Variants in TMED8 observed in about 807,000 individuals in gnomAD.
The protein encoded by TMED8 is transmembrane p24 trafficking protein family member 8, also known as protein TMED8.
In TMED8, 15 loss-of-function variants were observed where a neutral mutation model predicts 32.7. The observed-to-expected ratio is 0.46, with a 90% CI of 0.31 to 0.71. The LOEUF is 0.71. Ranked by LOEUF, TMED8 falls within the 30% of genes least tolerant of loss-of-function variation. The pLI, the probability that TMED8 is intolerant of heterozygous loss-of-function variation, is 0.06. For synonymous variants in TMED8, 147 were observed against 161.4 expected, an observed-to-expected ratio of 0.91 and a Z score of 0.68; for missense variants, 390 against 423.9, an observed-to-expected ratio of 0.92 and a Z score of 0.70.
rs776626456 is a variant in TMED8, at chr14:77,343,440, G to C, written c.498C>G (p.Ala166=). 1 of 1,613,698 alleles carries C rather than the reference G, an allele frequency of 6.2e-7. No individual in the cohort carries two copies. The highest frequency in any genetic ancestry group is 8.5e-7 in the Non-Finnish European group (1 of 1,179,766). Residue 166 remains alanine (A), a synonymous_variant, in exon 5 of 6, where the codon GCC becomes GCG. Coordinates refer to ENST00000216468, the MANE Select transcript of TMED8 (RefSeq NM_213601.3). ...LMAPPCIWTF[A]KVKEFKSKLG... ...GCTTGCTTTTGAATTCCTTCACCTT[G>C]GCAAAGGTCCAGATGCATGGAGGAG...
chr14:77,374,869 C>G (rs893653597), intron 1 of TMED8, among the ~76,000 whole-genome samples: 2 of 152,160 alleles, frequency 1.3e-5, no homozygotes, highest in Non-Finnish European at 2.9e-5. Context: ...CTGAAAACAC[C>G]TTGAGGACAG....
At chr14:77,368,008 C>T (rs573874447) in intron 1 of TMED8, among the ~76,000 whole-genome samples, 49 of 152,206 alleles carry the variant, frequency 3.2e-4, no homozygotes, top group African/African-American at 1.2e-3. Context: ...TGTTCACTGT[C>T]ATTGCTGTAC....
intron 1 of TMED8, among the ~76,000 whole-genome samples, chr14:77,367,253 A>AC (rs1340483677): frequency 0.016 from 2,387 of 151,210 alleles, 54 homozygotes; most frequent in Middle Eastern, 0.063. Flanking sequence ...AAAAAAAAAA[A>AC]AAAAAAAAAA....
chr14:77,362,761 T>C (rs1370111166), intron 1 of TMED8, among the ~76,000 whole-genome samples: 2 of 152,028 alleles, frequency 1.3e-5, no homozygotes, highest in South Asian at 2.1e-4. Flanking sequence ...TAAGAACACA[T>C]ACAGGCTGAA....
At chr14:77,343,872 A>G in intron 3 of TMED8, 49 bp from the exon 4 acceptor site, 1 of 1,582,274 alleles carries the variant, frequency 6.3e-7, no homozygotes, top group Non-Finnish European at 8.6e-7. Context: ...GCAGATTCTA[A>G]TTAATCTCTT....
At chr14:77,347,392 T>C (rs1893074714) in intron 2 of TMED8, among the ~76,000 whole-genome samples, 1 of 152,218 alleles carries the variant, frequency 6.6e-6, no homozygotes, top group African/African-American at 2.4e-5. Flanking sequence ...TCACTTTCTC[T>C]CCTTTTTAAA....
At chr14:77,343,584 TGGC>T (rs1892960022) in intron 4 of TMED8, 101 bp from the exon 5 acceptor site, 3 of 1,576,816 alleles carry the variant, frequency 1.9e-6, no homozygotes, top group Middle Eastern at 1.7e-4. Context: ...TTCTTTCTAC[TGGC>T]TTGACTTCCT....
chr14:77,367,157 G>T (rs1488562379), intron 1 of TMED8, among the ~76,000 whole-genome samples: 1 of 143,956 alleles, frequency 6.9e-6, no homozygotes, highest in Non-Finnish European at 1.5e-5. Context: ...CAGGAGAATC[G>T]CTTGAACCTG....
intron 1 of TMED8, among the ~76,000 whole-genome samples, chr14:77,354,555 G>C (rs531247942): frequency 1.4e-4 from 22 of 152,062 alleles, no homozygotes; most frequent in African/African-American, 4.1e-4. Flanking sequence ...ATAATCCATT[G>C]TTCACTGTAA....
At chr14:77,372,934 ATATATATATATATATATATTTTTTTT>A (rs1893716087) in intron 1 of TMED8, among the ~76,000 whole-genome samples, 1 of 30,440 alleles carries the variant, frequency 3.3e-5, no homozygotes, top group Admixed American at 3.5e-4. Context: ...ATATATATAT[ATATATATATATATATATATTTTTTTT>A]TTTTTTTTTT....
intron 1 of TMED8, among the ~76,000 whole-genome samples, chr14:77,364,532 A>G (rs1356368007): frequency 6.6e-6 from 1 of 151,364 alleles, no homozygotes; most frequent in Non-Finnish European, 1.5e-5. Context: ...GGCATGAGCC[A>G]TGATATTTTT....
Position 77,376,871 on chromosome 14 carries a change from C to T in TMED8, c.118+65G>A, listed in dbSNP as rs896266256. The stretch of plus-strand genomic sequence containing the variant: ...CCCAGGACAGAGCGCGGCGGAGGCT[C>T]GCGCCGTGGTGCGGGGCCCTGAGGC... On this transcript the variant is annotated intron_variant, in intron 1 of 5. Coordinates refer to ENST00000216468, the MANE Select transcript of TMED8 (RefSeq NM_213601.3). This position sits in a 1 kb window ranked among gnomAD's most constrained non-coding sequence, Gnocchi z 4.0. 1 of 1,064,574 alleles carries T rather than the reference C, an allele frequency of 9.4e-7. No individual in the cohort carries two copies. The highest frequency in any genetic ancestry group is 1.2e-6 in the Non-Finnish European group (1 of 803,346). 65.9% of individuals were successfully genotyped at this position (1,064,574 alleles called of 1,614,324 possible).
intron 2 of TMED8, among the ~76,000 whole-genome samples, chr14:77,349,428 T>C (rs1594843509): frequency 6.6e-6 from 1 of 152,052 alleles, no homozygotes; most frequent in South Asian, 2.1e-4. Flanking sequence ...CTAAGGCCCT[T>C]TGCACTCTGA....
At chr14:77,363,684 A>G (rs759252670) in intron 1 of TMED8, among the ~76,000 whole-genome samples, 4 of 151,796 alleles carry the variant, frequency 2.6e-5, no homozygotes, top group Non-Finnish European at 4.4e-5. Context: ...TAGTATCTCA[A>G]ATAAATAGCC....
At chr14:77,360,714 G>T (rs2139625530) in intron 1 of TMED8, among the ~76,000 whole-genome samples, 1 of 152,188 alleles carries the variant, frequency 6.6e-6, no homozygotes, top group East Asian at 1.9e-4. Flanking sequence ...TCAGAATGGG[G>T]GTTACTGGGT....
chr14:77,342,135 G>C, intron 5 of TMED8, 147 bp from the exon 6 acceptor site: 2 of 682,858 alleles, frequency 2.9e-6, no homozygotes, highest in South Asian at 3.7e-5. Context: ...TGATCTTTTG[G>C]TCATCACAGT....
chr14:77,343,565 A>G, intron 4 of TMED8, 82 bp from the exon 5 acceptor site: 1 of 1,579,636 alleles, frequency 6.3e-7, no homozygotes, highest in Non-Finnish European at 8.6e-7. Context: ...AGGCTGGCAC[A>G]GTCAGACATT....
intron 1 of TMED8, among the ~76,000 whole-genome samples, chr14:77,367,907 T>G (rs1296954901): frequency 6.6e-6 from 1 of 152,212 alleles, no homozygotes; most frequent in Non-Finnish European, 1.5e-5. Context: ...TTGGCCAGGT[T>G]GGTCTCAAAA....
chr14:77,345,494 C>T (rs1025819186), intron 3 of TMED8, among the ~76,000 whole-genome samples: 10 of 151,926 alleles, frequency 6.6e-5, no homozygotes, highest in Admixed American at 4.6e-4. Context: ...CAACCCCATC[C>T]CGCCCCCATC....
Sources: gnomAD v4.1 joint callset for allele counts (sites outside exome capture counted in the v4.1 genomes callset) on GRCh38, gnomAD v4.1.1 for gene constraint, Gnocchi (gnomAD v3.1) non-coding constraint, MANE v1.5 for transcripts, NCBI Gene and HGNC (gene_info 2026-07-23, HGNC 2026-07-21) for gene names.